Variants in CD5 observed in about 807,000 individuals in gnomAD.
CD5 encodes T-cell surface glycoprotein CD5.
In CD5, 36 loss-of-function variants were observed where a neutral mutation model predicts 60.3. That is an observed-to-expected ratio of 0.60 (90% confidence interval 0.46 to 0.79). CD5 has a LOEUF of 0.79. Among genes scored for constraint, CD5 ranks in the 30% least tolerant of loss-of-function variants. CD5 has a pLI of 0.00. For missense variants in CD5, 540 were observed against 630.6 expected, an observed-to-expected ratio of 0.86 and a Z score of 1.54; for synonymous variants, 230 against 257.6, an observed-to-expected ratio of 0.89 and a Z score of 1.03.
At chr11:61,094,679 G>A in the CD5 span, among the ~76,000 whole-genome samples, 1 of 152,110 alleles carries the variant, frequency 6.6e-6, no homozygotes, top group Admixed American at 6.5e-5. Context: ...TTGTTTTGTG[G>A]TGTGAGCATG....
intron 1 of CD5, 67 bp downstream of exon 1, chr11:61,102,682 G>A: frequency 7.3e-7 from 1 of 1,362,174 alleles, no homozygotes; most frequent in Non-Finnish European, 1.0e-6. Flanking sequence ...GGAGTTCCCA[G>A]TTTTACCCAA....
chr11:61,112,083 T>C (rs951453617), intron 1 of CD5, among the ~76,000 whole-genome samples: 1 of 152,162 alleles, frequency 6.6e-6, no homozygotes, highest in Non-Finnish European at 1.5e-5. Flanking sequence ...CATCCTGAGC[T>C]GTGTAGCACT....
chr11:61,098,318 C>T (rs187784528), upstream of CD5, among the ~76,000 whole-genome samples: 119 of 152,342 alleles, frequency 7.8e-4, no homozygotes, highest in Admixed American at 2.2e-3. Context: ...ATTGATCTGT[C>T]TTGCAAGAAG....
At chr11:61,105,882 C>T (rs758968366) in intron 1 of CD5, among the ~76,000 whole-genome samples, 2 of 152,014 alleles carry the variant, frequency 1.3e-5, no homozygotes, top group South Asian at 2.1e-4. Flanking sequence ...CCCAGCACTT[C>T]GGGAGGCCAA....
At chr11:61,125,641 G>A in intron 9 of CD5, 110 bp from the exon 10 acceptor site, 1 of 637,988 alleles carries the variant, frequency 1.6e-6, no homozygotes, top group Admixed American at 2.9e-5. Context: ...GTTGTCACCG[G>A]CTCATAAAGC....
chr11:61,127,406 G>C lies in CD5; in HGVS notation c.*1121G>C, dbSNP rs886354641. ...TCCTTTCTCCACGCCATTTGATGCT[G>C]TATCTCCTGGGAGCACAGGCATCAA... On this transcript the variant is annotated 3_prime_UTR_variant, in exon 11 of 11. Transcript: ENST00000347785. 1 of 151,936 alleles carries C rather than the reference G, an allele frequency of 6.6e-6. No homozygotes were observed. Among genetic ancestry groups the C allele is most frequent in the Non-Finnish European group, 1.5e-5 (1 of 67,946 alleles). 9.4% of individuals were successfully genotyped at this position (151,936 alleles called of 1,614,324 possible).
chr11:61,113,922 G>A (rs1443463476), intron 1 of CD5, among the ~76,000 whole-genome samples: 7 of 152,038 alleles, frequency 4.6e-5, no homozygotes, highest in African/African-American at 1.7e-4. Flanking sequence ...CCCCCACCTC[G>A]GCCTCCCAAA....
chr11:61,125,978 G>T lies in CD5; in HGVS notation c.*2+137G>T, dbSNP rs1479907001. On this transcript the variant is annotated intron_variant, in intron 10 of 10. Coordinates refer to ENST00000347785, the MANE Select transcript of CD5 (RefSeq NM_014207.4). ...GGGGACCCCCAGCATCTTGATTCTTGTAAAGGGAAAGACAAACGTCAGCTG... is the reference window on the plus strand; with the variant it reads ...GGGGACCCCCAGCATCTTGATTCTTTTAAAGGGAAAGACAAACGTCAGCTG... 3 of 479,330 alleles carry T rather than the reference G, an allele frequency of 6.3e-6. No individual in the cohort carries two copies. The Admixed American group carries it at 1.1e-4, about 18-fold the overall frequency. The allele number at this position is 479,330 out of a possible 1,614,324, so 29.7% of individuals were successfully genotyped here.
At chr11:61,119,088 G>A in intron 4 of CD5, 111 bp downstream of exon 4, 1 of 1,182,130 alleles carries the variant, frequency 8.5e-7, no homozygotes, top group Non-Finnish European at 1.2e-6. Flanking sequence ...GTATTGGTGT[G>A]TTCTACGCAA....
Position 61,118,095 on chromosome 11 carries a change from G to C in CD5, c.95-80G>C. 1.4e-6 allele frequency: 2 copies of C among 1,455,180 alleles called. No homozygotes were observed. Among genetic ancestry groups the C allele is most frequent in the Non-Finnish European group, 1.9e-6 (2 of 1,058,798 alleles). The allele number at this position is 1,455,180 out of a possible 1,614,324, so 90.1% of individuals were successfully genotyped here. On this transcript the variant is annotated intron_variant, in intron 2 of 10. Coordinates refer to ENST00000347785, the MANE Select transcript of CD5 (RefSeq NM_014207.4). This position sits in a 1 kb window ranked among gnomAD's most constrained non-coding sequence, Gnocchi z 4.7. ...GGGGCAGGAGGGAGCTCAACTGGGC[G>C]TCCTAGGGAGAGGGCAGTGAGGGGT...
chr11:61,102,749 A>G (rs1860716272), intron 1 of CD5, 134 bp downstream of exon 1: 2 of 785,366 alleles, frequency 2.5e-6, no homozygotes, highest in African/African-American at 1.7e-5. Flanking sequence ...ATTTGGGGCC[A>G]CTGGGATCCC....
Position 61,121,637 on chromosome 11 carries a change from CTGG to C in CD5, c.836_838del (p.Val279del), listed in dbSNP as rs1288194458. ...TTTCCAGCCCAAGGTGCAGAGCCGT[CTGG>C]TGGGGGGCAGCAGCATCTGTGAAGG... is the stretch of plus-strand genomic sequence containing the variant. On this transcript the variant is annotated inframe_deletion, in exon 6 of 11. Transcript: ENST00000347785. The C allele has an allele frequency of 1.3e-6, 2 of 1,531,042 alleles. No homozygotes were observed. The highest frequency in any genetic ancestry group is 2.7e-5 in the African/African-American group (2 of 73,004). The allele number at this position is 1,531,042 out of a possible 1,614,324, so 94.8% of individuals were successfully genotyped here.
upstream of CD5, among the ~76,000 whole-genome samples, chr11:61,097,995 A>G (rs1213135380): frequency 6.6e-6 from 1 of 152,164 alleles, no homozygotes; most frequent in East Asian, 1.9e-4. Flanking sequence ...GGTCTATGGG[A>G]AATTTAACCT....
intron 4 of CD5, 30 bp from the exon 5 acceptor site, chr11:61,119,194 CGCTCAGGGTG>C: frequency 2.0e-6 from 3 of 1,515,662 alleles, no homozygotes; most frequent in Non-Finnish European, 1.8e-6. Flanking sequence ...AAGCCCTCGG[CGCTCAGGGTG>C]GCTCCCCCTC....
At chr11:61,113,159 C>G (rs1476597554) in intron 1 of CD5, among the ~76,000 whole-genome samples, 1 of 152,220 alleles carries the variant, frequency 6.6e-6, no homozygotes, top group East Asian at 1.9e-4. Flanking sequence ...AAAGCAGTCT[C>G]CTTGACCCAG....
At chr11:61,099,678 ATC>A (rs1860632565), upstream of CD5, among the ~76,000 whole-genome samples, 1 of 151,656 alleles carries the variant, frequency 6.6e-6, no homozygotes, top group Non-Finnish European at 1.5e-5. Flanking sequence ...CAACATGGAG[ATC>A]AAATTCACAC....
rs780065604 is a variant in CD5, at chr11:61,125,805, G to A, written c.1454G>A (p.Ser485Asn). Residue 485 changes from serine to asparagine, a missense_variant, in exon 10 of 11, where the codon AGT becomes AAT. Ser to Asn is a conservative substitution (Grantham distance 46). Transcript: ENST00000347785. ...SSMQPDNSSD[S>N]DYDLHGAQRL The stretch of plus-strand genomic sequence containing the variant: ...ATGCAGCCTGACAACTCCTCCGACA[G>A]TGACTATGATCTGCATGGGGCTCAG... 8 of 1,612,610 alleles carry A rather than the reference G, an allele frequency of 5.0e-6. No individual in the cohort carries two copies. Among genetic ancestry groups the A allele is most frequent in the South Asian group, 1.1e-5 (1 of 90,942 alleles).
chr11:61,116,395 A>C (rs548155937), intron 2 of CD5, among the ~76,000 whole-genome samples: 2 of 148,396 alleles, frequency 1.3e-5, no homozygotes, highest in East Asian at 4.0e-4. Context: ...CACCCCACAC[A>C]GACCCCACAC....
intron 2 of CD5, among the ~76,000 whole-genome samples, chr11:61,115,496 G>A: frequency 6.6e-6 from 1 of 152,288 alleles, no homozygotes; most frequent in East Asian, 1.9e-4. Context: ...GGTAAAGTGT[G>A]TGGAACGTCC....
Sources: allele counts gnomAD v4.1 joint callset (sites outside exome capture counted in the v4.1 genomes callset), GRCh38; gene constraint gnomAD v4.1.1; non-coding constraint Gnocchi (gnomAD v3.1); transcripts MANE v1.5; gene names NCBI Gene and HGNC (gene_info 2026-07-23, HGNC 2026-07-21).